Variants in CEP43 observed in about 807,000 individuals in gnomAD.
CEP43 encodes the protein centrosomal protein 43.
Under a neutral mutation model 52.6 loss-of-function variants are expected in CEP43, and 36 were observed. The observed-to-expected ratio is 0.68, with a 90% CI of 0.52 to 0.90. The LOEUF is 0.90. Among genes scored for constraint, CEP43 ranks in the 40% least tolerant of loss-of-function variants. The probability of loss-of-function intolerance (pLI) is 0.00; values close to 1 mark genes in which losing one functional copy is unlikely to be tolerated. For synonymous variants in CEP43, 192 were observed against 172.4 expected (o/e 1.11, Z -0.89); for missense variants, 506 against 472.8 (o/e 1.07, Z -0.65).
rs73035071 is a variant in CEP43 at position 167,050,502 on chromosome 6, C to T, written c.*10524C>T. 0.019 allele frequency: 2,829 copies of T among 152,260 alleles called. 47 individuals are homozygous for T. Among genetic ancestry groups the T allele is most frequent in the East Asian group, 0.087 (452 of 5,170 alleles). 9.4% of individuals were successfully genotyped at this position (152,260 alleles called of 1,614,324 possible). A position where few individuals can be genotyped will look rare whatever the true frequency, so the allele number is the denominator to read the frequency against. ...CATTGAAAATGGGGCATTGGCCAGG[C>T]GTGGTGGCTCACGCCTGTAATCCCA... On this transcript the variant is annotated 3_prime_UTR_variant, in exon 13 of 13. Coordinates refer to ENST00000366847, the MANE Select transcript of CEP43 (RefSeq NM_007045.4).
intron 9 of CEP43, among the ~76,000 whole-genome samples, chr6:167,026,046 AATAAAGTAGTATTGTTT>A (rs1780348058): frequency 6.6e-6 from 1 of 152,264 alleles, no homozygotes; most frequent in Non-Finnish European, 1.5e-5. Context: ...GTTGTGTTCC[AATAAAGTAGTATTGTTT>A]ATGGTTTAAA....
chr6:167,042,759 A>AT lies in CEP43; in HGVS notation c.*2784dup, dbSNP rs1780724866. On this transcript the variant is annotated 3_prime_UTR_variant, in exon 13 of 13. Coordinates refer to ENST00000366847, the MANE Select transcript of CEP43 (RefSeq NM_007045.4). Reference sequence around the variant, plus strand: ...TCCCTGTCCCTGCCCCACCACTTGCATTTACCCCTTTTATTTTATTCATCT... The same window carrying AT: ...TCCCTGTCCCTGCCCCACCACTTGCATTTTACCCCTTTTATTTTATTCATCT... 1 of 149,478 alleles carries AT rather than the reference A, an allele frequency of 6.7e-6. No individual in the cohort carries two copies. The highest frequency in any genetic ancestry group is 2.5e-5 in the African/African-American group (1 of 40,164). 9.3% of individuals were successfully genotyped at this position (149,478 alleles called of 1,614,324 possible).
chr6:167,039,835 T>G lies in CEP43; in HGVS notation c.1126-69T>G, dbSNP rs1780656869. ...AGGTGGTATCTCATTGTGGCTTTGA[T>G]TTTTTAAAATAACTTAAGACTACTC... On this transcript the variant is annotated intron_variant, in intron 12 of 12. Transcript: ENST00000366847. The G allele has an allele frequency of 2.3e-5, 35 of 1,553,152 alleles. No homozygotes were observed. The South Asian group carries it at 3.9e-4, about 17-fold the overall frequency.
chr6:167,009,276 C>T (rs939003270), intron 5 of CEP43, among the ~76,000 whole-genome samples: 2 of 151,260 alleles, frequency 1.3e-5, no homozygotes, highest in African/African-American at 2.4e-5. Context: ...CCTGTAATCC[C>T]ACATTGGGAG....
intron 12 of CEP43, among the ~76,000 whole-genome samples, chr6:167,038,386 C>T (rs1466856121): frequency 2.0e-5 from 3 of 152,132 alleles, no homozygotes; most frequent in South Asian, 2.1e-4. Context: ...AGAAACTTAA[C>T]GTTCTATACC....
Position 167,039,678 on chromosome 6 carries a change from C to T in CEP43, c.1126-226C>T, listed in dbSNP as rs142024053. Among the ~76,000 whole-genome samples the T allele has an allele frequency of 6.2e-3, 950 of 152,276 alleles. 1 individual carries two copies. Among genetic ancestry groups the T allele is most frequent in the Non-Finnish European group, 8.9e-3 (607 of 68,016 alleles). ...CTTTTAGTTCTTTAAGGAATCTCCA[C>T]GCTGTTTTCCATAGTGGTTGTACTA... On this transcript the variant is annotated intron_variant, in intron 12 of 12. Coordinates refer to ENST00000366847, the MANE Select transcript of CEP43 (RefSeq NM_007045.4).
chr6:167,040,842 C>T lies in CEP43; in HGVS notation c.*864C>T. The stretch of plus-strand genomic sequence containing the variant: ...AATTGGAATGAAATAGTAGTAATGG[C>T]CTAAGACCATGTTCAGTTTGACAAG... On this transcript the variant is annotated 3_prime_UTR_variant, in exon 13 of 13. Transcript: ENST00000366847. 9.8e-7 allele frequency: 1 copy of T among 1,023,764 alleles called. No individual in the cohort carries two copies. The highest frequency in any genetic ancestry group is 1.2e-6 in the Non-Finnish European group (1 of 852,530). 63.4% of individuals were successfully genotyped at this position (1,023,764 alleles called of 1,614,324 possible).
Position 167,040,021 on chromosome 6 carries a change from G to T in CEP43, c.*43G>T. On this transcript the variant is annotated 3_prime_UTR_variant, in exon 13 of 13. Coordinates refer to ENST00000366847, the MANE Select transcript of CEP43 (RefSeq NM_007045.4). ...TTCTAATTAACAAGGACAGAGGACT[G>T]ACCGGTTCCATTTTTTTTTTTTCCA... 6.4e-7 allele frequency: 1 copy of T among 1,560,962 alleles called. No individual in the cohort carries two copies.
At chr6:167,030,981 AC>A (rs1167095209) in intron 10 of CEP43, among the ~76,000 whole-genome samples, 1 of 149,914 alleles carries the variant, frequency 6.7e-6, no homozygotes. Flanking sequence ...TTCTTCCTCC[AC>A]CCATTCTGTC....
intron 7 of CEP43, among the ~76,000 whole-genome samples, chr6:167,014,462 G>C (rs1206125851): frequency 3.9e-5 from 6 of 152,104 alleles, no homozygotes; most frequent in African/African-American, 1.4e-4. Context: ...AGAAGTTTTA[G>C]AAACATTATC....
At chr6:167,014,874 G>C (rs930921786) in intron 7 of CEP43, among the ~76,000 whole-genome samples, 1 of 152,174 alleles carries the variant, frequency 6.6e-6, no homozygotes, top group Non-Finnish European at 1.5e-5. Context: ...CCTTAAGTAA[G>C]ATATAAAACT....
At chr6:167,036,776 G>A in intron 12 of CEP43, 3 of 984,844 alleles carry the variant, frequency 3.0e-6, no homozygotes, top group Non-Finnish European at 3.6e-6. Flanking sequence ...AACTAAGGAG[G>A]CATGAAAGCC....
At chr6:167,027,681 G>T (rs376345843) in intron 10 of CEP43, among the ~76,000 whole-genome samples, 3 of 152,172 alleles carry the variant, frequency 2.0e-5, no homozygotes, top group African/African-American at 4.8e-5. Context: ...GATGGGTAGC[G>T]TAGGGAGATA....
At chr6:167,011,097 T>C (rs551252040) in intron 6 of CEP43, among the ~76,000 whole-genome samples, 70 of 152,374 alleles carry the variant, frequency 4.6e-4, no homozygotes, top group African/African-American at 1.4e-3. Flanking sequence ...ACATTTGTAT[T>C]GTAGAAAGGA....
rs76223894 is a variant in CEP43 at position 167,003,376 on chromosome 6, A to G, written c.211+129A>G. On this transcript the variant is annotated intron_variant, in intron 3 of 12. Coordinates refer to ENST00000366847, the MANE Select transcript of CEP43 (RefSeq NM_007045.4). Reference sequence around the variant, plus strand: ...TGTTATAGGTCCTCATTTTAAAATAATATTTTATTGTACAACAATCGTGTT... The same window carrying G: ...TGTTATAGGTCCTCATTTTAAAATAGTATTTTATTGTACAACAATCGTGTT... The G allele has an allele frequency of 1.7e-3, 924 of 533,630 alleles. 20 individuals are homozygous for G. In the East Asian group the frequency reaches 0.028, roughly 16 times the overall value. The allele number at this position is 533,630 out of a possible 1,614,324, so 33.1% of individuals were successfully genotyped here. A position where few individuals can be genotyped will look rare whatever the true frequency, so the allele number is the denominator to read the frequency against.
In CEP43 at chr6:167,039,884, C is replaced by T; in HGVS notation, c.1126-20C>T. The T allele has an allele frequency of 6.2e-7, 1 of 1,611,710 alleles. No homozygotes were observed. Among genetic ancestry groups the T allele is most frequent in the Non-Finnish European group, 8.5e-7 (1 of 1,178,768 alleles). On this transcript the variant is annotated intron_variant, in intron 12 of 12. Transcript: ENST00000366847. ...TCACATTCTGACACTTAATTATTTT[C>T]TTTCTTTTGAACAACAAAGCTTGAT...
At chr6:167,000,896 ACT>A (rs112710345) in intron 2 of CEP43, among the ~76,000 whole-genome samples, 1 of 151,802 alleles carries the variant, frequency 6.6e-6, no homozygotes, top group Non-Finnish European at 1.5e-5. Flanking sequence ...CAGCAAACTA[ACT>A]CTTCCCACTT....
chr6:167,036,528 C>T, intron 12 of CEP43: 1 of 985,410 alleles, frequency 1.0e-6, no homozygotes, highest in South Asian at 4.7e-5. Context: ...CATAAGTGTG[C>T]ATCCCAGGTT....
At position 167,024,007 on chromosome 6, in the gene CEP43, G is replaced by A. The variant is rs990051904; in HGVS notation, c.807-775G>A. 5.8e-4 allele frequency among the ~76,000 whole-genome samples: 88 copies of A among 152,170 alleles called. 1 individual carries two copies. Among genetic ancestry groups the A allele is most frequent in the South Asian group, 8.3e-4 (4 of 4,826 alleles). On this transcript the variant is annotated intron_variant, in intron 8 of 12. Transcript: ENST00000366847. Reference sequence around the variant, plus strand: ...ACGTGTTTAGGTGGGAGAAATAACAGCATGTATGCTGACGAGAGCTGTTCA... The same window carrying A: ...ACGTGTTTAGGTGGGAGAAATAACAACATGTATGCTGACGAGAGCTGTTCA...
Sources: allele counts gnomAD v4.1 joint callset (sites outside exome capture counted in the v4.1 genomes callset), GRCh38; gene constraint gnomAD v4.1.1; transcripts MANE v1.5; gene names NCBI Gene and HGNC (gene_info 2026-07-23, HGNC 2026-07-21).